Variants in DLGAP2 observed in about 807,000 individuals in gnomAD.
DLGAP2 encodes the protein DLG associated protein 2.
DLGAP2 carries 26 observed loss-of-function variants against 100.3 expected under a neutral mutation model. The ratio of observed to expected loss-of-function variants is 0.26; its 90% CI spans 0.19 to 0.36. DLGAP2 has a LOEUF of 0.36. Ranked by LOEUF, DLGAP2 falls within the 10% of genes least tolerant of loss-of-function variation. The pLI, the probability that DLGAP2 is intolerant of heterozygous loss-of-function variation, is 1.00. For synonymous variants in DLGAP2, 886 were observed against 630.1 expected, an observed-to-expected ratio of 1.41 and a Z score of -6.08; for missense variants, 1,858 against 1,453.2, an observed-to-expected ratio of 1.28 and a Z score of -4.53.
At chr8:1,448,550 A>G (rs935597745) in intron 3 of DLGAP2, among the ~76,000 whole-genome samples, 1 of 152,146 alleles carries the variant, frequency 6.6e-6, no homozygotes, top group Non-Finnish European at 1.5e-5. Context: ...GTGCTGAAAA[A>G]AATGTATATT....
chr8:1,536,873 C>T lies in DLGAP2; in HGVS notation c.173-11753C>T, dbSNP rs536547906. Among the ~76,000 whole-genome samples the T allele has an allele frequency of 8.0e-4, 122 of 152,246 alleles. No individual in the cohort carries two copies. In the South Asian group the frequency reaches 0.011, roughly 13 times the overall value. The stretch of plus-strand genomic sequence containing the variant: ...GGAGGCGCTGGCCAGGCCCAGGAGG[C>T]GACATGAGGGCATTCAGTGCTCACA... On this transcript the variant is annotated intron_variant, in intron 4 of 14. Coordinates refer to ENST00000637795, the MANE Select transcript of DLGAP2 (RefSeq NM_001346810.2).
chr8:1,147,048 G>A (rs1409888157), intron 2 of DLGAP2, among the ~76,000 whole-genome samples: 1 of 152,130 alleles, frequency 6.6e-6, no homozygotes, highest in Non-Finnish European at 1.5e-5. Flanking sequence ...CTTTGATTAG[G>A]AATTTATGGA....
chr8:1,219,916 G>A (rs1301206751), intron 2 of DLGAP2, among the ~76,000 whole-genome samples: 1 of 151,650 alleles, frequency 6.6e-6, no homozygotes, highest in African/African-American at 2.4e-5. Context: ...GTTAGTAATA[G>A]TCTCTGGGAG....
chr8:1,017,560 T>C (rs138904357), intron 2 of DLGAP2, among the ~76,000 whole-genome samples: 1,302 of 121,306 alleles, frequency 0.011, 268 homozygotes, highest in African/African-American at 0.051. Context: ...GCCTCCACTG[T>C]GTGTGTGACC....
chr8:1,372,043 G>A (rs1010153141), intron 3 of DLGAP2, among the ~76,000 whole-genome samples: 3 of 152,212 alleles, frequency 2.0e-5, no homozygotes, highest in African/African-American at 7.2e-5. Flanking sequence ...GTGCAGGTGG[G>A]GGGCCTGAGG....
intron 2 of DLGAP2, among the ~76,000 whole-genome samples, chr8:1,237,255 T>C: frequency 7.5e-6 from 1 of 134,054 alleles, no homozygotes; most frequent in East Asian, 2.5e-4. Flanking sequence ...CTCTCTCACA[T>C]GGTGCTATGT....
intron 2 of DLGAP2, among the ~76,000 whole-genome samples, chr8:1,257,849 GCTCAGGGTCCTTGAC>G (rs1799261801): frequency 6.6e-6 from 1 of 152,238 alleles, no homozygotes; most frequent in Non-Finnish European, 1.5e-5. Context: ...ACCCTTGTGG[GCTCAGGGTCCTTGAC>G]ACTAGTTCAG....
chr8:804,495 G>A (rs1041066225), intron 1 of DLGAP2, among the ~76,000 whole-genome samples: 4 of 152,162 alleles, frequency 2.6e-5, no homozygotes, highest in African/African-American at 7.2e-5. Context: ...TGCTGTTTCC[G>A]TGTGTTATCA....
chr8:1,106,868 C>G lies in DLGAP2; in HGVS notation c.74-151983C>G, dbSNP rs151098403. 3.5e-4 allele frequency among the ~76,000 whole-genome samples: 53 copies of G among 152,284 alleles called. 1 individual carries two copies. Among genetic ancestry groups the G allele is most frequent in the African/African-American group, 1.2e-3 (50 of 41,564 alleles). Reference sequence around the variant, plus strand: ...TGAACTGTGTTCAAAAGCAAATTATCAAATGAGAATAGAACCATTTGGACT... The same window carrying G: ...TGAACTGTGTTCAAAAGCAAATTATGAAATGAGAATAGAACCATTTGGACT... On this transcript the variant is annotated intron_variant, in intron 2 of 14. Transcript: ENST00000637795.
intron 11 of DLGAP2, among the ~76,000 whole-genome samples, chr8:1,677,819 A>C (rs1019377160): frequency 1.3e-5 from 2 of 152,218 alleles, no homozygotes; most frequent in Admixed American, 6.5e-5. Context: ...AAGCCACTAC[A>C]ACTCAGTATG....
chr8:956,199 C>T (rs1799593375), intron 2 of DLGAP2, among the ~76,000 whole-genome samples: 1 of 152,216 alleles, frequency 6.6e-6, no homozygotes, highest in South Asian at 2.1e-4. Flanking sequence ...ACGGGCTTCA[C>T]TTCCTGTGCA....
intron 3 of DLGAP2, among the ~76,000 whole-genome samples, chr8:1,452,777 T>A (rs1364319573): frequency 6.6e-6 from 1 of 152,112 alleles, no homozygotes; most frequent in Non-Finnish European, 1.5e-5. Flanking sequence ...CAGACCAGCA[T>A]CTCTGGGGAC....
chr8:1,196,139 A>T (rs910544402), intron 2 of DLGAP2, among the ~76,000 whole-genome samples: 4 of 152,288 alleles, frequency 2.6e-5, no homozygotes, highest in East Asian at 3.9e-4. Flanking sequence ...TGATCCACTT[A>T]ACTGCTTGTT....
intron 3 of DLGAP2, among the ~76,000 whole-genome samples, chr8:1,364,288 T>C (rs1253201946): frequency 6.6e-6 from 1 of 152,168 alleles, no homozygotes; most frequent in Non-Finnish European, 1.5e-5. Flanking sequence ...AGGGGTGCCC[T>C]GTGCTCCAGG....
At chr8:1,263,416 A>G (rs140377459) in intron 3 of DLGAP2, among the ~76,000 whole-genome samples, 2,074 of 152,292 alleles carry the variant, frequency 0.014, 45 homozygotes, top group African/African-American at 0.047. Context: ...ACAGAATCTT[A>G]TATTTTAGAA....
At chr8:1,552,205 C>T (rs960541842) in intron 5 of DLGAP2, among the ~76,000 whole-genome samples, 8 of 152,232 alleles carry the variant, frequency 5.3e-5, no homozygotes, top group African/African-American at 1.9e-4. Context: ...CGTTATCGTG[C>T]CGACATTGGG....
chr8:1,336,366 C>T (rs1235561631), intron 3 of DLGAP2, among the ~76,000 whole-genome samples: 2 of 152,168 alleles, frequency 1.3e-5, no homozygotes, highest in African/African-American at 4.8e-5. Flanking sequence ...AAGGAAAGAG[C>T]TGGAGGAAAA....
chr8:1,324,573 A>G (rs933088021), intron 3 of DLGAP2, among the ~76,000 whole-genome samples: 2 of 152,178 alleles, frequency 1.3e-5, no homozygotes, highest in African/African-American at 4.8e-5. Context: ...TGTTACATCC[A>G]TTCTCCATAG....
At chr8:1,261,391 GA>G (rs1466949661) in intron 3 of DLGAP2, among the ~76,000 whole-genome samples, 3 of 150,034 alleles carry the variant, frequency 2.0e-5, no homozygotes, top group Non-Finnish European at 4.4e-5. Context: ...AAATGAGACA[GA>G]CTGGGAGGGC....
Sources: gnomAD v4.1 joint callset for allele counts (sites outside exome capture counted in the v4.1 genomes callset) on GRCh38, gnomAD v4.1.1 for gene constraint, MANE v1.5 for transcripts, NCBI Gene and HGNC (gene_info 2026-07-23, HGNC 2026-07-21) for gene names.